Variants in ZC2HC1B observed in about 807,000 individuals in gnomAD.
The protein encoded by ZC2HC1B is zinc finger C2HC-type containing 1B.
In ZC2HC1B, 36 loss-of-function variants were observed where a neutral mutation model predicts 31.0. The ratio of observed to expected loss-of-function variants is 1.16; its 90% CI spans 0.89 to 1.54. The LOEUF is 1.54. Ranked by LOEUF, ZC2HC1B falls within the 40% of genes most tolerant of loss-of-function variation. ZC2HC1B has a pLI of 0.00. For missense variants in ZC2HC1B, 260 were observed against 268.6 expected, an observed-to-expected ratio of 0.97 and a Z score of 0.22; for synonymous variants, 73 against 88.0, an observed-to-expected ratio of 0.83 and a Z score of 0.95.
At chr6:143,879,790 T>A (rs1324544404) in intron 1 of ZC2HC1B, among the ~76,000 whole-genome samples, 1 of 133,152 alleles carries the variant, frequency 7.5e-6, no homozygotes, top group African/African-American at 3.2e-5. Flanking sequence ...TGTTTGTTTT[T>A]GTTTTTTTTT....
Position 143,913,830 on chromosome 6 carries a change from C to T in ZC2HC1B, c.598+10678C>T, listed in dbSNP as rs745950342. 2.6e-5 allele frequency among the ~76,000 whole-genome samples: 4 copies of T among 152,148 alleles called. No individual in the cohort carries two copies. Among genetic ancestry groups the T allele is most frequent in the African/African-American group, 4.8e-5 (2 of 41,422 alleles). On this transcript the variant is annotated intron_variant, in intron 6 of 7. Coordinates refer to ENST00000237275, the MANE Select transcript of ZC2HC1B (RefSeq NM_001013623.3). This position sits in a 1 kb window ranked among gnomAD's most constrained non-coding sequence, Gnocchi z 5.7. ...ATGTCACTCCTGGTGGGCCATTGCG[C>T]CACCCTACTTTTCTTCATTCTCCGT...
At chr6:143,909,481 T>C (rs1438769824) in intron 6 of ZC2HC1B, among the ~76,000 whole-genome samples, 2 of 151,928 alleles carry the variant, frequency 1.3e-5, no homozygotes, top group African/African-American at 4.8e-5. Flanking sequence ...GTACCAGCTC[T>C]TCTTTGTACC....
intron 1 of ZC2HC1B, among the ~76,000 whole-genome samples, chr6:143,876,978 G>A (rs1010852183): frequency 2.7e-5 from 4 of 150,534 alleles, no homozygotes; most frequent in Non-Finnish European, 5.9e-5. Context: ...ACACACCCAC[G>A]ATGAATACTT....
At position 143,934,087 on chromosome 6, in the gene ZC2HC1B, G is replaced by C. The variant is rs1778151323; in HGVS notation, c.599-3562G>C. Among the ~76,000 whole-genome samples the C allele has an allele frequency of 6.6e-6, 1 of 152,192 alleles. No homozygotes were observed. Among genetic ancestry groups the C allele is most frequent in the African/African-American group, 2.4e-5 (1 of 41,440 alleles). Reference sequence around the variant, plus strand: ...TACATTTCACAGCAAATCAATTTCAGCTCTAGGTAAGGCTAAATTCTTCTC... The same window carrying C: ...TACATTTCACAGCAAATCAATTTCACCTCTAGGTAAGGCTAAATTCTTCTC... On this transcript the variant is annotated intron_variant, in intron 6 of 7. Coordinates refer to ENST00000237275, the MANE Select transcript of ZC2HC1B (RefSeq NM_001013623.3). This position sits in a 1 kb window ranked among gnomAD's most constrained non-coding sequence, Gnocchi z 4.6.
rs187571502 is a variant in ZC2HC1B, at chr6:143,934,195, C to T, written c.599-3454C>T. On this transcript the variant is annotated intron_variant, in intron 6 of 7. Transcript: ENST00000237275. This position sits in a 1 kb window ranked among gnomAD's most constrained non-coding sequence, Gnocchi z 4.6. Reference sequence around the variant, plus strand: ...TCCCCTCTCAGACTTTGGGAACTTACGAATTTTCACCTGTCTTGCAGAATT... The same window carrying T: ...TCCCCTCTCAGACTTTGGGAACTTATGAATTTTCACCTGTCTTGCAGAATT... Among the ~76,000 whole-genome samples, 2 of 152,320 alleles carry T rather than the reference C, an allele frequency of 1.3e-5. No homozygotes were observed. Among genetic ancestry groups the T allele is most frequent in the South Asian group, 2.1e-4 (1 of 4,824 alleles).
In ZC2HC1B at chr6:143,934,849, G is replaced by A. The variant is rs923255669; in HGVS notation, c.599-2800G>A. On this transcript the variant is annotated intron_variant, in intron 6 of 7. Transcript: ENST00000237275. The surrounding 1 kb of genome is among the most constrained non-coding windows in gnomAD (Gnocchi z 4.6). Reference sequence around the variant, plus strand: ...GTGGTGGCAGCAGTAGACTGAGCCTGCCTGTCCTTGGGACCCCAGGTAGCA... The same window carrying A: ...GTGGTGGCAGCAGTAGACTGAGCCTACCTGTCCTTGGGACCCCAGGTAGCA... Among the ~76,000 whole-genome samples, 2 of 152,170 alleles carry A rather than the reference G, an allele frequency of 1.3e-5. No homozygotes were observed. Among genetic ancestry groups the A allele is most frequent in the Admixed American group, 1.3e-4 (2 of 15,284 alleles).
At chr6:143,925,599 C>T (rs376051233) in intron 6 of ZC2HC1B, among the ~76,000 whole-genome samples, 8 of 147,610 alleles carry the variant, frequency 5.4e-5, no homozygotes, top group Admixed American at 6.8e-5. Context: ...TGTAGTGGCG[C>T]GATCTCGTCT....
In ZC2HC1B at chr6:143,870,666, C is replaced by T. The variant is rs1196427950; in HGVS notation, c.28+6099C>T. Among the ~76,000 whole-genome samples the T allele has an allele frequency of 6.6e-6, 1 of 152,132 alleles. No homozygotes were observed. Among genetic ancestry groups the T allele is most frequent in the African/African-American group, 2.4e-5 (1 of 41,418 alleles). On this transcript the variant is annotated intron_variant, in intron 1 of 7. Coordinates refer to ENST00000237275, the MANE Select transcript of ZC2HC1B (RefSeq NM_001013623.3). The surrounding 1 kb of genome is among the most constrained non-coding windows in gnomAD (Gnocchi z 4.7). Reference sequence around the variant, plus strand: ...CCACAGTCAAACGTTCAGTTTCCACCAAAGCCCAGTAACAGGCCAAGAGCT... The same window carrying T: ...CCACAGTCAAACGTTCAGTTTCCACTAAAGCCCAGTAACAGGCCAAGAGCT...
intron 6 of ZC2HC1B, among the ~76,000 whole-genome samples, chr6:143,910,187 C>A (rs984411824): frequency 7.2e-5 from 11 of 152,080 alleles, no homozygotes; most frequent in Non-Finnish European, 1.6e-4. Flanking sequence ...GAGCAGGTTC[C>A]ATGTAGTGTT....
chr6:143,882,806 A>G (rs772847989), intron 1 of ZC2HC1B, among the ~76,000 whole-genome samples: 15 of 152,114 alleles, frequency 9.9e-5, no homozygotes, highest in Non-Finnish European at 2.2e-4. Context: ...CAGTGTTTCC[A>G]AAGCTGAAGT....
At chr6:143,896,732 T>C (rs1275641267) in intron 4 of ZC2HC1B, among the ~76,000 whole-genome samples, 1 of 152,104 alleles carries the variant, frequency 6.6e-6, no homozygotes, top group Non-Finnish European at 1.5e-5. Context: ...CTTAAGGAGG[T>C]TGGGTAACTT....
At chr6:143,896,276 A>C (rs1481287455) in intron 4 of ZC2HC1B, among the ~76,000 whole-genome samples, 1 of 152,220 alleles carries the variant, frequency 6.6e-6, no homozygotes, top group African/African-American at 2.4e-5. Flanking sequence ...AGTACCAAAC[A>C]CAGAAGGGTG....
At chr6:143,893,922 G>A (rs1280150398) in intron 4 of ZC2HC1B, among the ~76,000 whole-genome samples, 2 of 152,062 alleles carry the variant, frequency 1.3e-5, no homozygotes, top group South Asian at 4.1e-4. Flanking sequence ...TCCTGACCTC[G>A]TGATCCACCC....
chr6:143,886,165 C>G lies in ZC2HC1B; in HGVS notation c.210+14C>G. 1 of 1,514,840 alleles carries G rather than the reference C, an allele frequency of 6.6e-7. No individual in the cohort carries two copies. The highest frequency in any genetic ancestry group is 8.8e-7 in the Non-Finnish European group (1 of 1,135,282). The allele number at this position is 1,514,840 out of a possible 1,614,324, so 93.8% of individuals were successfully genotyped here. A position where few individuals can be genotyped will look rare whatever the true frequency, so the allele number is the denominator to read the frequency against. On this transcript the variant is annotated intron_variant, in intron 3 of 7. Transcript: ENST00000237275. The surrounding 1 kb of genome is among the most constrained non-coding windows in gnomAD (Gnocchi z 4.2). Reference sequence around the variant, plus strand: ...CCACAATCCAAGGTACTCCTGATATCTTCTTTAGTGTTTGTTATTACATTC... The same window carrying G: ...CCACAATCCAAGGTACTCCTGATATGTTCTTTAGTGTTTGTTATTACATTC...
At chr6:143,864,910 T>C (rs543664082) in intron 1 of ZC2HC1B, among the ~76,000 whole-genome samples, 207 of 152,356 alleles carry the variant, frequency 1.4e-3, no homozygotes, top group African/African-American at 4.8e-3. Flanking sequence ...TTTTGATAGC[T>C]GTCTCAACTG....
At chr6:143,882,334 T>TTTATATATATATATATA (rs1554237237) in intron 1 of ZC2HC1B, among the ~76,000 whole-genome samples, 19 of 85,532 alleles carry the variant, frequency 2.2e-4, no homozygotes, top group East Asian at 1.0e-3. Context: ...TTTATATTTT[T>TTTATATATATATATATA]TATATATATA....
Position 143,887,547 on chromosome 6 carries a change from C to A in ZC2HC1B, c.349+726C>A, listed in dbSNP as rs1777545120. 6.6e-6 allele frequency among the ~76,000 whole-genome samples: 1 copy of A among 152,026 alleles called. No homozygotes were observed. Among genetic ancestry groups the A allele is most frequent in the African/African-American group, 2.4e-5 (1 of 41,400 alleles). ...ATGGTTTTTAAAGCTCTCTTCTCAC[C>A]CATGTTCAGCCACAACCCAGGATCC... is the stretch of plus-strand genomic sequence containing the variant. On this transcript the variant is annotated intron_variant, in intron 4 of 7. Coordinates refer to ENST00000237275, the MANE Select transcript of ZC2HC1B (RefSeq NM_001013623.3). The surrounding 1 kb of genome is among the most constrained non-coding windows in gnomAD (Gnocchi z 5.1).
At chr6:143,888,507 A>C (rs1444859973) in intron 4 of ZC2HC1B, among the ~76,000 whole-genome samples, 1 of 152,024 alleles carries the variant, frequency 6.6e-6, no homozygotes, top group Non-Finnish European at 1.5e-5. Flanking sequence ...TAACAATATT[A>C]AGTTTTCCAA....
chr6:143,882,085 G>A (rs1265054565), intron 1 of ZC2HC1B, among the ~76,000 whole-genome samples: 3 of 151,842 alleles, frequency 2.0e-5, no homozygotes, highest in East Asian at 3.9e-4. Context: ...TCTTAGAGAA[G>A]TTGCCTACTT....
Sources: allele counts gnomAD v4.1 joint callset (sites outside exome capture counted in the v4.1 genomes callset), GRCh38; gene constraint gnomAD v4.1.1; non-coding constraint Gnocchi (gnomAD v3.1); transcripts MANE v1.5; gene names NCBI Gene and HGNC (gene_info 2026-07-23, HGNC 2026-07-21).